Variants in DLG1 observed in about 807,000 individuals in gnomAD.
The protein encoded by DLG1 is discs large MAGUK scaffold protein 1, also known as disks large homolog 1.
Under a neutral mutation model 123.4 loss-of-function variants are expected in DLG1, and 42 were observed. The observed-to-expected ratio is 0.34, with a 90% CI of 0.27 to 0.44. DLG1 has a LOEUF of 0.44. Ranked by LOEUF, DLG1 falls within the 20% of genes least tolerant of loss-of-function variation. DLG1 has a pLI of 1.00. For missense variants in DLG1, 942 were observed against 1,082.6 expected, an observed-to-expected ratio of 0.87 and a Z score of 1.82; for synonymous variants, 317 against 356.2, an observed-to-expected ratio of 0.89 and a Z score of 1.24.
At position 197,071,403 on chromosome 3, in the gene DLG1, CTTT is replaced by C. The variant is rs34629433; in HGVS notation, c.2006-2146_2006-2144del. On this transcript the variant is annotated intron_variant, in intron 18 of 24. Coordinates refer to ENST00000667157, the MANE Select transcript of DLG1 (RefSeq NM_001366207.1). ...TAAGTTACCAAAATCTCTTCACTGT[CTTT>C]TTTTTTTTTTTTTGAGATTTCTCCT... is the stretch of plus-strand genomic sequence containing the variant. Among the ~76,000 whole-genome samples the C allele has an allele frequency of 4.4e-3, 585 of 131,736 alleles. 7 individuals are homozygous for C. The highest frequency in any genetic ancestry group is 7.6e-3 in the South Asian group (31 of 4,062). The allele number at this position is 131,736 out of a possible 152,430, so 86.4% of individuals were successfully genotyped here.
intron 16 of DLG1, 154 bp downstream of exon 16, chr3:197,085,426 T>G: frequency 1.4e-6 from 1 of 719,454 alleles, no homozygotes; most frequent in Non-Finnish European, 2.3e-6. Context: ...CACATAAAAA[T>G]GTGATCATAC....
chr3:197,133,952 AAGAG>A (rs759876004), intron 10 of DLG1, among the ~76,000 whole-genome samples: 1 of 152,256 alleles, frequency 6.6e-6, no homozygotes, highest in African/African-American at 2.4e-5. Context: ...AAGTTGATTT[AAGAG>A]AGAGACTTGC....
chr3:197,048,841 G>C (rs957013965), intron 24 of DLG1, among the ~76,000 whole-genome samples: 1 of 152,080 alleles, frequency 6.6e-6, no homozygotes, highest in African/African-American at 2.4e-5. Flanking sequence ...TTTTAGTAGA[G>C]AAAAGGGGTT....
chr3:197,111,041 T>G (rs1227079822), intron 13 of DLG1, among the ~76,000 whole-genome samples: 1 of 152,176 alleles, frequency 6.6e-6, no homozygotes, highest in Non-Finnish European at 1.5e-5. Context: ...CTCCTCCAAT[T>G]TTCCTTTTAA....
chr3:197,202,860 T>C (rs1178510046), intron 4 of DLG1, among the ~76,000 whole-genome samples: 1 of 152,198 alleles, frequency 6.6e-6, no homozygotes, highest in African/African-American at 2.4e-5. Context: ...TTTAAATAAG[T>C]CTGCAGGGTA....
chr3:197,183,860 C>T, intron 5 of DLG1: 4 of 1,527,586 alleles, frequency 2.6e-6, no homozygotes, highest in Non-Finnish European at 3.5e-6. Context: ...CTACCAGCTG[C>T]TGAGTGGTGA....
chr3:197,261,639 A>G (rs1394314506), intron 4 of DLG1, among the ~76,000 whole-genome samples: 1 of 152,208 alleles, frequency 6.6e-6, no homozygotes. Context: ...ATACACATGG[A>G]CTGCACTAAC....
chr3:197,127,457 AATATATATATATATATATATATATAT>A (rs1553936527), intron 11 of DLG1, among the ~76,000 whole-genome samples: 8 of 20,832 alleles, frequency 3.8e-4, no homozygotes, highest in Admixed American at 9.3e-4. Context: ...AAAAAAAAAA[AATATATATATATATATATATATATAT>A]ATATATATAT....
intron 4 of DLG1, among the ~76,000 whole-genome samples, chr3:197,278,141 G>A (rs781481096): frequency 1.3e-4 from 19 of 151,604 alleles, no homozygotes; most frequent in Non-Finnish European, 1.8e-4. Context: ...AAAATTAGCC[G>A]TGTATGATGG....
intron 3 of DLG1, among the ~76,000 whole-genome samples, chr3:197,283,182 A>G (rs1175446327): frequency 2.6e-5 from 4 of 152,230 alleles, no homozygotes; most frequent in African/African-American, 9.6e-5. Flanking sequence ...TCAAGGCTCA[A>G]GTATAATACA....
chr3:197,147,626 A>T (rs1289026564), intron 6 of DLG1, among the ~76,000 whole-genome samples: 1 of 152,142 alleles, frequency 6.6e-6, no homozygotes, highest in Non-Finnish European at 1.5e-5. Context: ...AGCTATGAGG[A>T]TGCAAAGGCA....
Position 197,136,626 on chromosome 3 carries a change from A to AT in DLG1, c.935dup (p.Asp312GlufsTer2). ...TTATTTTGGTTACATAGATGCTATT[A>AT]TCCCCAGGAATATGCTGATTTCCAA... On this transcript the variant is annotated frameshift_variant, in exon 10 of 25. Transcript: ENST00000667157. LOFTEE classifies it high-confidence loss of function. 1 of 1,613,538 alleles carries AT rather than the reference A, an allele frequency of 6.2e-7. No individual in the cohort carries two copies.
intron 18 of DLG1, among the ~76,000 whole-genome samples, chr3:197,074,289 A>C (rs900383873): frequency 6.6e-6 from 1 of 152,044 alleles, no homozygotes; most frequent in African/African-American, 2.4e-5. Context: ...ATCTTAGGTC[A>C]CTCTCCAGAA....
In DLG1 at chr3:197,044,656, A is replaced by G; in HGVS notation, c.2649T>C (p.Ser883=). 1.2e-6 allele frequency: 2 copies of G among 1,610,238 alleles called. No individual in the cohort carries two copies. Among genetic ancestry groups the G allele is most frequent in the Non-Finnish European group, 1.7e-6 (2 of 1,177,786 alleles). Residue 883 remains serine, a synonymous_variant, in exon 25 of 25, where the codon TCT becomes TCC. Transcript: ENST00000667157. ...VKQIIEEQSG[S]YIWVPAKEKL is the part of the protein sequence containing the mutation. ...TTTCTTTTGCCGGAACCCAGATGTA[A>G]GAACCAGATTGTTCTTCTATGATCT... is the stretch of plus-strand genomic sequence containing the variant.
At chr3:197,148,100 C>T (rs574534901) in intron 6 of DLG1, among the ~76,000 whole-genome samples, 6 of 151,092 alleles carry the variant, frequency 4.0e-5, no homozygotes, top group Non-Finnish European at 8.9e-5. Context: ...ATAACAGCAT[C>T]GTAAGAATAA....
chr3:197,294,374 C>A (rs950261792), intron 3 of DLG1, among the ~76,000 whole-genome samples: 1 of 141,082 alleles, frequency 7.1e-6, no homozygotes, highest in African/African-American at 2.6e-5. Flanking sequence ...AGGCCAGACG[C>A]GGTGGCTCAC....
intron 4 of DLG1, among the ~76,000 whole-genome samples, chr3:197,265,777 C>T (rs1044765056): frequency 2.6e-5 from 4 of 152,182 alleles, no homozygotes; most frequent in East Asian, 1.9e-4. Context: ...AGCAGCCAGG[C>T]GCGGTGGCTC....
rs1431067347 is a variant in DLG1, at chr3:197,096,779, A to C, written c.1547-5753T>G. 2.6e-5 allele frequency among the ~76,000 whole-genome samples: 4 copies of C among 152,268 alleles called. No homozygotes were observed. In the East Asian group the frequency reaches 7.7e-4, roughly 29 times the overall value. On this transcript the variant is annotated intron_variant, in intron 14 of 24. Transcript: ENST00000667157. The stretch of plus-strand genomic sequence containing the variant: ...TTCTTTGTTTCAAAATATTAATTTT[A>C]TTTTACACTAGCTTCATAAACTATA...
chr3:197,064,671 C>T (rs541725855), intron 22 of DLG1, among the ~76,000 whole-genome samples: 5 of 151,830 alleles, frequency 3.3e-5, no homozygotes, highest in African/African-American at 1.2e-4. Flanking sequence ...GAATATTAGC[C>T]CTTTTCTTGC....
Sources: allele counts gnomAD v4.1 joint callset (sites outside exome capture counted in the v4.1 genomes callset), GRCh38; gene constraint gnomAD v4.1.1; transcripts MANE v1.5; gene names NCBI Gene and HGNC (gene_info 2026-07-23, HGNC 2026-07-21).